ZSWIM6: variants seen among roughly 807,000 people sequenced by gnomAD.
ZSWIM6 encodes the protein zinc finger SWIM-type containing 6, also known as zinc finger SWIM domain-containing protein 6.
Under a neutral mutation model 113.2 loss-of-function variants are expected in ZSWIM6, and 9 were observed. The ratio of observed to expected loss-of-function variants is 0.08; its 90% CI spans 0.05 to 0.14. ZSWIM6 has a LOEUF of 0.14. Ranked by LOEUF, ZSWIM6 falls within the 10% of genes least tolerant of loss-of-function variation. The probability of loss-of-function intolerance (pLI) is 1.00; values close to 1 mark genes in which losing one functional copy is unlikely to be tolerated. For synonymous variants in ZSWIM6, 611 were observed against 606.5 expected (o/e 1.01, Z -0.11); for missense variants, 1,162 against 1,552.2 (o/e 0.75, Z 4.22).
chr5:61,381,091 A>C (rs1290406536), intron 1 of ZSWIM6, among the ~76,000 whole-genome samples: 1 of 152,076 alleles, frequency 6.6e-6, no homozygotes, highest in Non-Finnish European at 1.5e-5. Context: ...TCCACTAAAA[A>C]TACAAAAATA....
chr5:61,372,744 T>G (rs1745291108), intron 1 of ZSWIM6, among the ~76,000 whole-genome samples: 1 of 152,218 alleles, frequency 6.6e-6, no homozygotes, highest in African/African-American at 2.4e-5. Flanking sequence ...GACTTAACTA[T>G]TTTCCTTTCA....
intron 1 of ZSWIM6, among the ~76,000 whole-genome samples, chr5:61,398,196 G>T (rs190491950): frequency 1.3e-5 from 2 of 152,280 alleles, no homozygotes; most frequent in Admixed American, 6.5e-5. Context: ...GGGCCACACA[G>T]CAGGAGGTGA....
chr5:61,512,181 C>T (rs1748807877), intron 4 of ZSWIM6, among the ~76,000 whole-genome samples: 1 of 152,070 alleles, frequency 6.6e-6, no homozygotes, highest in African/African-American at 2.4e-5. Flanking sequence ...TTTAGTTTCG[C>T]CATTCCAGAA....
intron 1 of ZSWIM6, among the ~76,000 whole-genome samples, chr5:61,339,219 C>T (rs1369561246): frequency 6.6e-6 from 1 of 152,120 alleles, no homozygotes; most frequent in East Asian, 1.9e-4. Flanking sequence ...CCAGCCTGGG[C>T]AACATGGTGA....
At chr5:61,340,671 A>C (rs1186832913) in intron 1 of ZSWIM6, among the ~76,000 whole-genome samples, 1 of 152,228 alleles carries the variant, frequency 6.6e-6, no homozygotes, top group African/African-American at 2.4e-5. Flanking sequence ...GGCATAGGAA[A>C]TGGCAAAGCC....
At chr5:61,447,574 G>A (rs889910710) in intron 1 of ZSWIM6, among the ~76,000 whole-genome samples, 11 of 152,098 alleles carry the variant, frequency 7.2e-5, no homozygotes, top group Non-Finnish European at 1.6e-4. Context: ...AGGCAGCAGC[G>A]TGGCCAAAGA....
chr5:61,422,403 T>C (rs186073248), intron 1 of ZSWIM6, among the ~76,000 whole-genome samples: 3 of 152,346 alleles, frequency 2.0e-5, no homozygotes, highest in Admixed American at 1.3e-4. Context: ...CTCTGGGTTC[T>C]CTGTTCTATT....
chr5:61,451,828 A>T (rs1403621555), intron 1 of ZSWIM6, among the ~76,000 whole-genome samples: 7 of 152,188 alleles, frequency 4.6e-5, no homozygotes, highest in Admixed American at 4.6e-4. Context: ...GAGATGGAAA[A>T]AATTTTAGCA....
chr5:61,481,352 A>C (rs1359958616), intron 2 of ZSWIM6, among the ~76,000 whole-genome samples: 1 of 152,098 alleles, frequency 6.6e-6, no homozygotes, highest in East Asian at 1.9e-4. Context: ...TGTGAGACAG[A>C]TACCTCATTC....
chr5:61,518,443 A>G (rs1749020535), intron 4 of ZSWIM6, among the ~76,000 whole-genome samples: 2 of 151,362 alleles, frequency 1.3e-5, no homozygotes, highest in African/African-American at 4.8e-5. Context: ...CATCCTCTCC[A>G]GCACCTGTTG....
intron 1 of ZSWIM6, among the ~76,000 whole-genome samples, chr5:61,384,277 A>G (rs1745549783): frequency 1.3e-5 from 2 of 151,358 alleles, no homozygotes; most frequent in African/African-American, 4.9e-5. Flanking sequence ...AAAAATTTCT[A>G]CTGAGAAACA....
chr5:61,494,657 T>G (rs1748272031), intron 4 of ZSWIM6, among the ~76,000 whole-genome samples: 1 of 152,068 alleles, frequency 6.6e-6, no homozygotes, highest in Non-Finnish European at 1.5e-5. Context: ...GAATCTCCCT[T>G]TAAGTATTTG....
intron 10 of ZSWIM6, among the ~76,000 whole-genome samples, chr5:61,537,660 A>G (rs934947473): frequency 2.6e-5 from 4 of 152,294 alleles, no homozygotes; most frequent in African/African-American, 9.6e-5. Flanking sequence ...TTCCTAAATA[A>G]AAGGAGAAGA....
At chr5:61,526,080 A>G in intron 6 of ZSWIM6, 104 bp downstream of exon 6, 3 of 1,432,262 alleles carry the variant, frequency 2.1e-6, no homozygotes, top group South Asian at 2.7e-5. Flanking sequence ...TCAATGGGAG[A>G]TGGATGAATG....
chr5:61,332,653 C>T lies in ZSWIM6; in HGVS notation c.381C>T (p.Phe127=). The change falls in exon 1 of 14, where the codon TTC becomes TTT. Residue 127 remains phenylalanine (F), a synonymous_variant. Transcript: ENST00000252744. Reference sequence around the variant, plus strand: ...GGGAGATCTGCATGTACTCGTCCTTCAACACCGGCGGCGGCGCCGCGGGCG... The same window carrying T: ...GGGAGATCTGCATGTACTCGTCCTTTAACACCGGCGGCGGCGCCGCGGGCG... The part of the protein sequence containing the change: ...SEREICMYSS[F]NTGGGAAGGP... The T allele has an allele frequency of 8.7e-7, 1 of 1,145,170 alleles. No individual in the cohort carries two copies. The highest frequency in any genetic ancestry group is 1.1e-6 in the Non-Finnish European group (1 of 905,296). 70.9% of individuals were successfully genotyped at this position (1,145,170 alleles called of 1,614,324 possible).
intron 4 of ZSWIM6, among the ~76,000 whole-genome samples, chr5:61,516,471 A>G (rs1748943574): frequency 6.8e-6 from 1 of 146,746 alleles, no homozygotes; most frequent in South Asian, 2.1e-4. Flanking sequence ...AACTATATAT[A>G]TATATATAGT....
chr5:61,424,555 C>A (rs940138953), intron 1 of ZSWIM6, among the ~76,000 whole-genome samples: 1 of 152,290 alleles, frequency 6.6e-6, no homozygotes, highest in African/African-American at 2.4e-5. Flanking sequence ...TTGGGCTTCA[C>A]CTCAGCTGTT....
intron 1 of ZSWIM6, among the ~76,000 whole-genome samples, chr5:61,407,536 A>T (rs1356391709): frequency 6.6e-6 from 1 of 152,194 alleles, no homozygotes; most frequent in African/African-American, 2.4e-5. Flanking sequence ...TTCACAAATC[A>T]TGTCACAAAG....
chr5:61,402,835 C>G (rs1017376467), intron 1 of ZSWIM6, among the ~76,000 whole-genome samples: 21 of 152,100 alleles, frequency 1.4e-4, no homozygotes, highest in Admixed American at 1.2e-3. Context: ...TTATATTTCA[C>G]TGTATTTATA....
Sources: allele counts gnomAD v4.1 joint callset (sites outside exome capture counted in the v4.1 genomes callset), GRCh38; gene constraint gnomAD v4.1.1; transcripts MANE v1.5; gene names NCBI Gene and HGNC (gene_info 2026-07-23, HGNC 2026-07-21).